PAG1: variants seen among roughly 807,000 people sequenced by gnomAD.
PAG1 encodes the protein phosphoprotein membrane anchor with glycosphingolipid microdomains 1, also known as phosphoprotein associated with glycosphingolipid-enriched microdomains 1.
Under a neutral mutation model 31.7 loss-of-function variants are expected in PAG1, and 23 were observed. The ratio of observed to expected loss-of-function variants is 0.73; its 90% CI spans 0.52 to 1.03. The LOEUF is 1.03. Ranked by LOEUF, PAG1 falls within the 50% of genes least tolerant of loss-of-function variation. The probability of loss-of-function intolerance (pLI) is 0.00; values close to 1 mark genes in which losing one functional copy is unlikely to be tolerated. For synonymous variants in PAG1, 214 were observed against 210.3 expected (o/e 1.02, Z -0.15); for missense variants, 473 against 540.7 (o/e 0.87, Z 1.24).
intron 1 of PAG1, among the ~76,000 whole-genome samples, chr8:81,103,329 T>C (rs1279861393): frequency 6.6e-6 from 1 of 152,158 alleles, no homozygotes; most frequent in African/African-American, 2.4e-5. Flanking sequence ...AATTCTTCTT[T>C]AGTAGCTATT....
intron 3 of PAG1, among the ~76,000 whole-genome samples, chr8:80,998,035 C>G (rs1004007591): frequency 6.6e-6 from 1 of 151,992 alleles, no homozygotes; most frequent in Non-Finnish European, 1.5e-5. Context: ...GGTCCATACT[C>G]TCTTACCCTT....
At chr8:81,089,460 A>T (rs913179055) in intron 1 of PAG1, among the ~76,000 whole-genome samples, 1 of 152,028 alleles carries the variant, frequency 6.6e-6, no homozygotes, top group African/African-American at 2.4e-5. Flanking sequence ...CCCAGCTACT[A>T]GGGAGGCTGA....
chr8:80,997,605 ATTCT>A (rs1397231384), intron 3 of PAG1, among the ~76,000 whole-genome samples: 1 of 152,214 alleles, frequency 6.6e-6, no homozygotes, highest in African/African-American at 2.4e-5. Flanking sequence ...ATGTGTAAAT[ATTCT>A]TTGAGTTATT....
intron 2 of PAG1, among the ~76,000 whole-genome samples, chr8:81,057,219 G>A (rs1483385094): frequency 2.0e-5 from 3 of 152,010 alleles, no homozygotes; most frequent in Non-Finnish European, 1.5e-5. Flanking sequence ...CCCACTACTG[G>A]GCATATACTC....
In PAG1 at chr8:80,991,508, T is replaced by G; in HGVS notation, c.148A>C (p.Ser50Arg). The change falls in exon 5 of 9, where the codon AGT (serine) becomes CGT (arginine). Residue 50 changes from serine (S) to arginine (R), a missense_variant. By Grantham distance (110) the Ser-to-Arg change is moderately radical. Transcript: ENST00000220597. ...TTCATCAGGTTCTCATGGTCCCCAC[T>G]ATGCTGTCGCGGCTTCTTTTCCCTG... ...CDREKKPRQH[S>R]GDHENLMNVP... 6.2e-7 allele frequency: 1 copy of G among 1,613,760 alleles called. No individual in the cohort carries two copies. Among genetic ancestry groups the G allele is most frequent in the East Asian group, 2.2e-5 (1 of 44,886 alleles).
chr8:81,010,782 A>T (rs1460200218), intron 3 of PAG1, among the ~76,000 whole-genome samples: 1 of 152,184 alleles, frequency 6.6e-6, no homozygotes, highest in East Asian at 1.9e-4. Flanking sequence ...GGGCAGGTGG[A>T]CCCAACCATT....
chr8:81,038,157 G>T (rs565074520), intron 2 of PAG1, among the ~76,000 whole-genome samples: 2 of 152,210 alleles, frequency 1.3e-5, no homozygotes, highest in Admixed American at 6.5e-5. Flanking sequence ...TGTGTGAATG[G>T]GTATGCATGT....
rs1443816718 is a variant in PAG1, at chr8:80,974,886, C to T, written c.*1658G>A. 1 of 152,154 alleles carries T rather than the reference C, an allele frequency of 6.6e-6. No homozygotes were observed. Among genetic ancestry groups the T allele is most frequent in the Non-Finnish European group, 1.5e-5 (1 of 68,040 alleles). The allele number at this position is 152,154 out of a possible 1,614,324, so 9.4% of individuals were successfully genotyped here. A position where few individuals can be genotyped will look rare whatever the true frequency, so the allele number is the denominator to read the frequency against. On this transcript the variant is annotated 3_prime_UTR_variant, in exon 9 of 9. Transcript: ENST00000220597. ...TGAAAATGAAAAGTGAACAAGTTTC[C>T]TAATGCTGGCCTTATAAGATCTAAA... is the stretch of plus-strand genomic sequence containing the variant.
In PAG1 at chr8:80,975,266, T is replaced by C. The variant is rs1807156551; in HGVS notation, c.*1278A>G. 1 of 152,212 alleles carries C rather than the reference T, an allele frequency of 6.6e-6. No homozygotes were observed. Among genetic ancestry groups the C allele is most frequent in the East Asian group, 1.9e-4 (1 of 5,204 alleles). The allele number at this position is 152,212 out of a possible 1,614,324, so 9.4% of individuals were successfully genotyped here. ...TTTGAATCAGGAGCTCCAAGTACCA[T>C]TTAAAAAGGTGAGTCTTTAAAAACC... On this transcript the variant is annotated 3_prime_UTR_variant, in exon 9 of 9. Transcript: ENST00000220597.
Position 81,070,115 on chromosome 8 carries a change from T to C in PAG1, c.-178A>G, listed in dbSNP as rs1212613180. On this transcript the variant is annotated 5_prime_UTR_variant, in exon 2 of 9. Transcript: ENST00000220597. The stretch of plus-strand genomic sequence containing the variant: ...TAAATAAATACTTTGAAATCACCTT[T>C]TCCCAGCAATGAAGTTGTGGCCAAC... 1 of 152,196 alleles carries C rather than the reference T, an allele frequency of 6.6e-6. No homozygotes were observed. The highest frequency in any genetic ancestry group is 2.4e-5 in the African/African-American group (1 of 41,434). The allele number at this position is 152,196 out of a possible 1,614,324, so 9.4% of individuals were successfully genotyped here.
At position 81,051,597 on chromosome 8, in the gene PAG1, T is replaced by C. The variant is rs183572572; in HGVS notation, c.-175+18515A>G. Among the ~76,000 whole-genome samples, 3 of 151,676 alleles carry C rather than the reference T, an allele frequency of 2.0e-5. No homozygotes were observed. In the East Asian group the frequency reaches 5.8e-4, roughly 29 times the overall value. Reference sequence around the variant, plus strand: ...CATTAGAATGATGAGAAAAGGAGGGTTTTTACATTCTTAAGACAAACAGGT... The same window carrying C: ...CATTAGAATGATGAGAAAAGGAGGGCTTTTACATTCTTAAGACAAACAGGT... On this transcript the variant is annotated intron_variant, in intron 2 of 8. Transcript: ENST00000220597.
At chr8:81,046,182 A>G (rs938981761) in intron 2 of PAG1, among the ~76,000 whole-genome samples, 1 of 152,226 alleles carries the variant, frequency 6.6e-6, no homozygotes, top group Non-Finnish European at 1.5e-5. Context: ...CTTGGAGAGG[A>G]TATCAGTTCC....
intron 3 of PAG1, among the ~76,000 whole-genome samples, chr8:80,995,206 A>G (rs1433760619): frequency 6.6e-6 from 1 of 152,242 alleles, no homozygotes; most frequent in Non-Finnish European, 1.5e-5. Context: ...GAGAGTTCTG[A>G]GAGATGAAGT....
At chr8:81,027,243 C>A (rs1184728296) in intron 3 of PAG1, among the ~76,000 whole-genome samples, 2 of 152,170 alleles carry the variant, frequency 1.3e-5, no homozygotes, top group African/African-American at 2.4e-5. Flanking sequence ...CTCAAGCAAT[C>A]TGCCCACCTC....
chr8:81,046,544 A>G (rs1229300106), intron 2 of PAG1, among the ~76,000 whole-genome samples: 4 of 152,220 alleles, frequency 2.6e-5, no homozygotes, highest in Non-Finnish European at 4.4e-5. Flanking sequence ...AAAGTTTCAT[A>G]TTAAAATGTT....
At chr8:81,016,486 C>T (rs1808074849) in intron 3 of PAG1, among the ~76,000 whole-genome samples, 1 of 152,168 alleles carries the variant, frequency 6.6e-6, no homozygotes, top group Admixed American at 6.5e-5. Context: ...AGGGAACTTA[C>T]TACCTCCATT....
In PAG1 at chr8:81,087,433, C is replaced by T. The variant is rs972349782; in HGVS notation, c.-233-17263G>A. On this transcript the variant is annotated intron_variant, in intron 1 of 8. Coordinates refer to ENST00000220597, the MANE Select transcript of PAG1 (RefSeq NM_018440.4). Reference sequence around the variant, plus strand: ...ACGCCTAAAATATTTAGTACCTCGCCATTTACAGAAAAAGTTTGCTGACCC... The same window carrying T: ...ACGCCTAAAATATTTAGTACCTCGCTATTTACAGAAAAAGTTTGCTGACCC... 6.6e-5 allele frequency among the ~76,000 whole-genome samples: 10 copies of T among 152,110 alleles called. 1 individual carries two copies. In the East Asian group the frequency reaches 1.9e-3, roughly 29 times the overall value.
intron 1 of PAG1, among the ~76,000 whole-genome samples, chr8:81,086,272 C>A (rs537780047): frequency 2.0e-5 from 3 of 152,070 alleles, no homozygotes; most frequent in African/African-American, 7.2e-5. Context: ...TGAGCCACCG[C>A]GCCCGGCCAA....
chr8:80,992,535 T>C (rs946024069), intron 4 of PAG1, among the ~76,000 whole-genome samples: 3 of 152,174 alleles, frequency 2.0e-5, no homozygotes, highest in African/African-American at 7.2e-5. Context: ...ATTTCTCTTG[T>C]TGGGGGTACT....
Sources: allele counts gnomAD v4.1 joint callset (sites outside exome capture counted in the v4.1 genomes callset), GRCh38; gene constraint gnomAD v4.1.1; transcripts MANE v1.5; gene names NCBI Gene and HGNC (gene_info 2026-07-23, HGNC 2026-07-21).